SFMBT1: variants seen among roughly 807,000 people sequenced by gnomAD.
SFMBT1 encodes the protein scm-like with four MBT domains protein 1.
In SFMBT1, 32 loss-of-function variants were observed where a neutral mutation model predicts 108.7. The observed-to-expected ratio is 0.29, with a 90% confidence interval of 0.22 to 0.40. SFMBT1 has a LOEUF of 0.40. Ranked by LOEUF, SFMBT1 falls within the 10% of genes least tolerant of loss-of-function variation. The probability of loss-of-function intolerance (pLI) is 1.00; values close to 1 mark genes in which losing one functional copy is unlikely to be tolerated. For missense variants in SFMBT1, 816 were observed against 1,059.6 expected, an observed-to-expected ratio of 0.77 and a Z score of 3.19; for synonymous variants, 348 against 369.5, an observed-to-expected ratio of 0.94 and a Z score of 0.67.
chr3:52,985,686 T>C (rs773811310), intron 1 of SFMBT1, among the ~76,000 whole-genome samples: 10 of 152,210 alleles, frequency 6.6e-5, no homozygotes, highest in Non-Finnish European at 5.9e-5. Context: ...AGGGTATACT[T>C]ACGCAAACCT....
At chr3:53,013,021 T>C (rs1434087199) in intron 1 of SFMBT1, among the ~76,000 whole-genome samples, 4 of 151,742 alleles carry the variant, frequency 2.6e-5, no homozygotes, top group Non-Finnish European at 5.9e-5. Context: ...ATAAATATTT[T>C]ATACTACCTT....
At chr3:53,008,775 CA>C (rs374827737) in intron 1 of SFMBT1, among the ~76,000 whole-genome samples, 5,097 of 151,924 alleles carry the variant, frequency 0.034, 267 homozygotes, top group African/African-American at 0.11. Context: ...GCTGGGACTA[CA>C]AGGCACCCGC....
chr3:52,957,666 C>T (rs536182435), intron 2 of SFMBT1, among the ~76,000 whole-genome samples: 29 of 152,248 alleles, frequency 1.9e-4, no homozygotes, highest in Non-Finnish European at 2.8e-4. Flanking sequence ...CATCTACAAC[C>T]ATCTGATTTT....
rs1702240655 is a variant in SFMBT1, at chr3:52,912,520, A to C, written c.1730+18T>G. ...AAGACAAGTAAAAGTAAAGAGTAAA[A>C]ACAAGTAGTCCACTCACTTGGCTTT... On this transcript the variant is annotated intron_variant, in intron 16 of 20. Transcript: ENST00000394752. 6.2e-7 allele frequency: 1 copy of C among 1,600,712 alleles called. No homozygotes were observed. Among genetic ancestry groups the C allele is most frequent in the East Asian group, 2.2e-5 (1 of 44,808 alleles).
chr3:52,926,232 C>A, intron 9 of SFMBT1, 119 bp from the exon 10 acceptor site: 3 of 774,788 alleles, frequency 3.9e-6, no homozygotes, highest in Non-Finnish European at 6.1e-6. Flanking sequence ...CAACTTTGAT[C>A]ATTTTAGAGG....
chr3:52,912,095 G>A (rs1702229817), intron 16 of SFMBT1, among the ~76,000 whole-genome samples: 3 of 152,094 alleles, frequency 2.0e-5, no homozygotes, highest in Admixed American at 2.0e-4. Context: ...ACAAGCCTGG[G>A]CCTTCACCAC....
chr3:53,035,396 T>TG (rs1699837323), intron 1 of SFMBT1, among the ~76,000 whole-genome samples: 1 of 151,972 alleles, frequency 6.6e-6, no homozygotes, highest in Non-Finnish European at 1.5e-5. Context: ...ATGGGAGAGG[T>TG]GGGGAAGGTA....
At chr3:52,927,946 C>T (rs1702708919) in intron 9 of SFMBT1, among the ~76,000 whole-genome samples, 1 of 152,150 alleles carries the variant, frequency 6.6e-6, no homozygotes, top group Non-Finnish European at 1.5e-5. Flanking sequence ...GTTATGAGGA[C>T]ATAGATATCA....
chr3:52,989,508 G>T (rs977829260), intron 1 of SFMBT1, among the ~76,000 whole-genome samples: 21 of 150,360 alleles, frequency 1.4e-4, no homozygotes, highest in African/African-American at 5.1e-4. Flanking sequence ...TGTTTTATAA[G>T]AAAAAAATAA....
rs115995705 is a variant in SFMBT1 at position 53,021,464 on chromosome 3, T to C, written c.-131+24352A>G. ...GTTTAAATTTTTCCATAATAAAGAGTTAAATAAATAAAAGTAAATGCCTCT... is the reference window on the plus strand; with the variant it reads ...GTTTAAATTTTTCCATAATAAAGAGCTAAATAAATAAAAGTAAATGCCTCT... On this transcript the variant is annotated intron_variant, in intron 1 of 20. Transcript: ENST00000394752. 2.2e-3 allele frequency among the ~76,000 whole-genome samples: 339 copies of C among 152,210 alleles called. 1 individual carries two copies. The highest frequency in any genetic ancestry group is 7.2e-3 in the African/African-American group (298 of 41,536).
intron 8 of SFMBT1, chr3:52,928,609 C>CACATATATACATATATATACATATAT (rs1702740236): frequency 1.3e-5 from 1 of 75,530 alleles, no homozygotes; most frequent in African/African-American, 4.1e-5. Context: ...TACATATATA[C>CACATATATACATATATATACATATAT]ATATATATAC....
chr3:52,937,821 T>C (rs1279648837), intron 4 of SFMBT1, among the ~76,000 whole-genome samples: 1 of 152,128 alleles, frequency 6.6e-6, no homozygotes, highest in Non-Finnish European at 1.5e-5. Context: ...AACCTCGTGA[T>C]CCACCCGCCT....
chr3:52,941,871 C>G (rs895227146), intron 4 of SFMBT1, among the ~76,000 whole-genome samples: 6 of 152,122 alleles, frequency 3.9e-5, no homozygotes, highest in Admixed American at 3.9e-4. Context: ...TGCACTCCAG[C>G]CTGGCTGACA....
intron 1 of SFMBT1, among the ~76,000 whole-genome samples, chr3:53,021,444 A>C (rs1699303496): frequency 6.6e-6 from 1 of 152,192 alleles, no homozygotes. Flanking sequence ...GTTATGTTTA[A>C]ATTTTTCCAT....
intron 8 of SFMBT1, among the ~76,000 whole-genome samples, chr3:52,929,369 A>G (rs1378873822): frequency 6.6e-6 from 1 of 152,146 alleles, no homozygotes; most frequent in Non-Finnish European, 1.5e-5. Context: ...CCTCCCGAGC[A>G]GCTGGGATTA....
intron 1 of SFMBT1, among the ~76,000 whole-genome samples, chr3:53,005,168 C>T (rs1698695203): frequency 6.6e-6 from 1 of 152,208 alleles, no homozygotes; most frequent in African/African-American, 2.4e-5. Flanking sequence ...ATGTTACATA[C>T]AGTCCGTACA....
At chr3:52,968,740 G>A (rs1450318619) in intron 2 of SFMBT1, among the ~76,000 whole-genome samples, 1 of 151,738 alleles carries the variant, frequency 6.6e-6, no homozygotes, top group East Asian at 1.9e-4. Context: ...ACAGGCACCC[G>A]TCACCACACC....
intron 1 of SFMBT1, among the ~76,000 whole-genome samples, chr3:53,006,954 C>T (rs1440249192): frequency 6.6e-6 from 1 of 152,156 alleles, no homozygotes; most frequent in Non-Finnish European, 1.5e-5. Context: ...TGTCTCTCAA[C>T]CAGTAGACTG....
Position 52,913,490 on chromosome 3 carries a change from C to A in SFMBT1, c.1608G>T (p.Leu536=). The A allele has an allele frequency of 1.9e-6, 3 of 1,613,820 alleles. No individual in the cohort carries two copies. Among genetic ancestry groups the A allele is most frequent in the Non-Finnish European group, 2.5e-6 (3 of 1,179,912 alleles). ...PQCVGPGNCV[L]VLREVLTLLI... The stretch of plus-strand genomic sequence containing the variant: ...GCCAGAACCTTACCTCTCTAAGGAC[C>A]AGAACACAGTTCCCAGGTCCTACAC... Residue 536 remains leucine, a synonymous_variant, in exon 15 of 21, where the codon CTG becomes CTT. Transcript: ENST00000394752.
Sources: allele counts gnomAD v4.1 joint callset (sites outside exome capture counted in the v4.1 genomes callset), GRCh38; gene constraint gnomAD v4.1.1; transcripts MANE v1.5; gene names NCBI Gene and HGNC (gene_info 2026-07-23, HGNC 2026-07-21).